UNC79: variants seen among roughly 807,000 people sequenced by gnomAD.
The protein encoded by UNC79 is unc-79 subunit of NALCN channel complex.
Under a neutral mutation model 283.1 loss-of-function variants are expected in UNC79, and 37 were observed. The ratio of observed to expected loss-of-function variants is 0.13; its 90% confidence interval spans 0.10 to 0.17. The LOEUF is 0.17. Among genes scored for constraint, UNC79 ranks in the 10% least tolerant of loss-of-function variants. The pLI is 1.00. For synonymous variants in UNC79, 1,107 were observed against 1,200.2 expected, an observed-to-expected ratio of 0.92 and a Z score of 1.61; for missense variants, 2,272 against 3,211.1, an observed-to-expected ratio of 0.71 and a Z score of 7.07.
chr14:93,634,094 C>T (rs549533016), intron 31 of UNC79, among the ~76,000 whole-genome samples: 23 of 152,226 alleles, frequency 1.5e-4, no homozygotes, highest in South Asian at 4.2e-4. Flanking sequence ...CATGTACACA[C>T]GCACACATAC....
chr14:93,423,264 A>C (rs1194642254), intron 1 of UNC79, among the ~76,000 whole-genome samples: 1 of 152,156 alleles, frequency 6.6e-6, no homozygotes, highest in East Asian at 1.9e-4. Context: ...AAGAATTAAT[A>C]TTGTTAAAAT....
intron 14 of UNC79, among the ~76,000 whole-genome samples, chr14:93,547,470 A>G (rs962656894): frequency 1.3e-5 from 2 of 152,262 alleles, no homozygotes; most frequent in Non-Finnish European, 2.9e-5. Flanking sequence ...CAAAATATCA[A>G]AAGTTATCAG....
chr14:93,659,839 C>T (rs2071347155), intron 39 of UNC79, among the ~76,000 whole-genome samples: 1 of 152,162 alleles, frequency 6.6e-6, no homozygotes, highest in Non-Finnish European at 1.5e-5. Context: ...TTGCTTAGGC[C>T]ATTTCCTTTG....
chr14:93,379,253 G>A lies in UNC79; in HGVS notation c.-351+45730G>A, dbSNP rs557552234. The stretch of plus-strand genomic sequence containing the variant: ...CTTGAACTACAGAGAATATGTCTTT[G>A]TTAGTTTCCCAAAGAGCCAAACAAA... On this transcript the variant is annotated intron_variant, in intron 1 of 49. Transcript: ENST00000256339. Among the ~76,000 whole-genome samples the A allele has an allele frequency of 1.2e-4, 18 of 152,176 alleles. No homozygotes were observed. The South Asian group carries it at 3.5e-3, about 30-fold the overall frequency.
At chr14:93,573,234 T>C (rs2063306170) in intron 16 of UNC79, among the ~76,000 whole-genome samples, 1 of 152,196 alleles carries the variant, frequency 6.6e-6, no homozygotes, top group Non-Finnish European at 1.5e-5. Flanking sequence ...TCTCTATTTG[T>C]GAACTCCAAC....
intron 30 of UNC79, among the ~76,000 whole-genome samples, chr14:93,626,700 A>G (rs1203682075): frequency 1.3e-5 from 2 of 151,958 alleles, no homozygotes; most frequent in Admixed American, 6.6e-5. Flanking sequence ...AAACAAAAAC[A>G]CATAATGTTG....
intron 1 of UNC79, among the ~76,000 whole-genome samples, chr14:93,357,569 A>G (rs1193259888): frequency 2.0e-5 from 3 of 150,586 alleles, no homozygotes; most frequent in Non-Finnish European, 4.4e-5. Flanking sequence ...ATCAGACTCC[A>G]AGTTCTTTAG....
Position 93,690,423 on chromosome 14 carries a change from T to C in UNC79, c.7272+120T>C. 1.7e-6 allele frequency: 2 copies of C among 1,160,602 alleles called. No individual in the cohort carries two copies. The highest frequency in any genetic ancestry group is 2.4e-6 in the Non-Finnish European group (2 of 839,558). The allele number at this position is 1,160,602 out of a possible 1,614,324, so 71.9% of individuals were successfully genotyped here. Reference sequence around the variant, plus strand: ...CTTATCATTTGCCCTCCTGTGGATGTTAGAAACACAACTTTGTGCTAATGT... The same window carrying C: ...CTTATCATTTGCCCTCCTGTGGATGCTAGAAACACAACTTTGTGCTAATGT... On this transcript the variant is annotated intron_variant, in intron 45 of 48. Transcript: ENST00000555664. The surrounding 1 kb of genome is among the most constrained non-coding windows in gnomAD (Gnocchi z 4.3).
chr14:93,366,130 A>T (rs1280338174), intron 1 of UNC79, among the ~76,000 whole-genome samples: 2 of 152,212 alleles, frequency 1.3e-5, no homozygotes, highest in African/African-American at 4.8e-5. Flanking sequence ...TACTATACCT[A>T]CCCAAAGTAA....
chr14:93,522,750 C>T (rs2060379583), intron 7 of UNC79, among the ~76,000 whole-genome samples: 3 of 151,988 alleles, frequency 2.0e-5, no homozygotes. Flanking sequence ...TAGTAGTGGT[C>T]TCTGGTCTGT....
chr14:93,629,213 A>G (rs377538052), intron 30 of UNC79, among the ~76,000 whole-genome samples: 1 of 152,042 alleles, frequency 6.6e-6, no homozygotes, highest in South Asian at 2.1e-4. Flanking sequence ...ACACTCATAT[A>G]CACACACACA....
chr14:93,602,945 G>T (rs181868033), intron 25 of UNC79, among the ~76,000 whole-genome samples: 15 of 152,188 alleles, frequency 9.9e-5, no homozygotes, highest in African/African-American at 3.4e-4. Context: ...CTGGCCTCTT[G>T]CTTAGTTATT....
rs888976665 is a variant in UNC79, at chr14:93,688,573, G to A, written c.6910-92G>A. 6 of 1,410,202 alleles carry A rather than the reference G, an allele frequency of 4.3e-6. No individual in the cohort carries two copies. The highest frequency in any genetic ancestry group is 1.4e-5 in the African/African-American group (1 of 70,138). The allele number at this position is 1,410,202 out of a possible 1,614,324, so 87.4% of individuals were successfully genotyped here. The stretch of plus-strand genomic sequence containing the variant: ...TTGTTTGCTCAGAGTGGCGATAAGC[G>A]GGGTGGAAATGACAACCTCTTCTTT... On this transcript the variant is annotated intron_variant, in intron 43 of 48. Coordinates refer to ENST00000555664, the Ensembl canonical transcript of UNC79. The surrounding 1 kb of genome is among the most constrained non-coding windows in gnomAD (Gnocchi z 4.0).
chr14:93,619,744 A>G (rs2066987906), intron 29 of UNC79, among the ~76,000 whole-genome samples: 1 of 152,218 alleles, frequency 6.6e-6, no homozygotes, highest in South Asian at 2.1e-4. Context: ...CTTGATGTAT[A>G]TACTGCCCTT....
intron 17 of UNC79, 39 bp from the exon 18 acceptor site, chr14:93,577,803 T>G (rs2063556876): frequency 6.3e-7 from 1 of 1,598,050 alleles, no homozygotes; most frequent in Non-Finnish European, 8.6e-7. Flanking sequence ...TTTGAGCTTC[T>G]GTGAGTTCAT....
chr14:93,496,099 G>A (rs923891286), intron 5 of UNC79, among the ~76,000 whole-genome samples: 2 of 151,932 alleles, frequency 1.3e-5, no homozygotes, highest in African/African-American at 4.8e-5. Flanking sequence ...TGTTGGGCTA[G>A]TTTTTTTTCT....
chr14:93,446,683 C>T (rs756660756), intron 1 of UNC79, among the ~76,000 whole-genome samples: 9 of 152,112 alleles, frequency 5.9e-5, no homozygotes, highest in African/African-American at 9.7e-5. Flanking sequence ...TGTGAGCCAC[C>T]GTGCCCAGCC....
intron 1 of UNC79, among the ~76,000 whole-genome samples, chr14:93,463,532 G>T (rs933704781): frequency 6.6e-6 from 1 of 152,156 alleles, no homozygotes; most frequent in Non-Finnish European, 1.5e-5. Flanking sequence ...AGCAAAGGAG[G>T]AGAGATTAAT....
chr14:93,634,212 T>C (rs954547362), intron 31 of UNC79, among the ~76,000 whole-genome samples: 2 of 152,202 alleles, frequency 1.3e-5, no homozygotes, highest in Non-Finnish European at 2.9e-5. Flanking sequence ...TAAATCATTT[T>C]TGAAACATGG....
Sources: gnomAD v4.1 joint callset for allele counts (sites outside exome capture counted in the v4.1 genomes callset) on GRCh38, gnomAD v4.1.1 for gene constraint, Gnocchi (gnomAD v3.1) non-coding constraint, MANE v1.5 for transcripts, NCBI Gene and HGNC (gene_info 2026-07-23, HGNC 2026-07-21) for gene names.